CMTR1: variants seen among roughly 807,000 people sequenced by gnomAD.
The protein encoded by CMTR1 is cap methyltransferase 1, also known as cap-specific mRNA (nucleoside-2'-O-)-methyltransferase 1.
In CMTR1, 39 loss-of-function variants were observed where a neutral mutation model predicts 107.0. The ratio of observed to expected loss-of-function variants is 0.36; its 90% CI spans 0.28 to 0.48. The LOEUF is 0.48. Among genes scored for constraint, CMTR1 ranks in the 20% least tolerant of loss-of-function variants. CMTR1 has a pLI of 0.99. For synonymous variants in CMTR1, 366 were observed against 379.5 expected (o/e 0.96, Z 0.41); for missense variants, 672 against 1,064.9 (o/e 0.63, Z 5.14).
intron 8 of CMTR1, among the ~76,000 whole-genome samples, chr6:37,454,144 C>T (rs1031345639): frequency 2.0e-5 from 3 of 152,208 alleles, no homozygotes; most frequent in East Asian, 1.9e-4. Flanking sequence ...TTTACCCGGT[C>T]CTAGAAAGTT....
At chr6:37,438,158 T>C (rs1771582977) in intron 2 of CMTR1, among the ~76,000 whole-genome samples, 1 of 152,010 alleles carries the variant, frequency 6.6e-6, no homozygotes, top group Non-Finnish European at 1.5e-5. Flanking sequence ...GGTGGGCGGA[T>C]TGCTTGAGCC....
chr6:37,424,564 T>C, the CMTR1 span, among the ~76,000 whole-genome samples: 3 of 152,212 alleles, frequency 2.0e-5, no homozygotes, highest in African/African-American at 7.2e-5. Flanking sequence ...TTTGTCTTAA[T>C]TCCTGTATCA....
At chr6:37,473,444 G>C in intron 16 of CMTR1, 26 bp from the exon 17 acceptor site, 1 of 1,607,782 alleles carries the variant, frequency 6.2e-7, no homozygotes. Flanking sequence ...CAACCCGGCA[G>C]TGTTTTCTCT....
intron 2 of CMTR1, among the ~76,000 whole-genome samples, 168 bp downstream of exon 2, chr6:37,435,930 TCTC>T (rs1771519621): frequency 3.3e-5 from 5 of 152,340 alleles, no homozygotes; most frequent in African/African-American, 9.6e-5. Flanking sequence ...CTTCTGCCAT[TCTC>T]CTACTAAGAG....
the CMTR1 span, among the ~76,000 whole-genome samples, chr6:37,427,918 C>A: frequency 6.6e-6 from 1 of 151,680 alleles, no homozygotes; most frequent in South Asian, 2.1e-4. The surrounding 1 kb of genome is among the most constrained non-coding windows in gnomAD (Gnocchi z 4.4). Flanking sequence ...CTTTTTTGGC[C>A]TCCATGGTTT....
intron 13 of CMTR1, among the ~76,000 whole-genome samples, chr6:37,467,572 ACT>A (rs1761533774): frequency 6.6e-6 from 1 of 152,164 alleles, no homozygotes; most frequent in African/African-American, 2.4e-5. Context: ...AAAGTCTTTA[ACT>A]ATGATTATTG....
At chr6:37,445,454 C>A (rs571606452) in intron 3 of CMTR1, among the ~76,000 whole-genome samples, 1 of 151,276 alleles carries the variant, frequency 6.6e-6, no homozygotes, top group African/African-American at 2.4e-5. Flanking sequence ...TGTTTCTGTC[C>A]CAGAGTATTA....
At chr6:37,442,384 T>C (rs1289625869) in intron 2 of CMTR1, among the ~76,000 whole-genome samples, 1 of 152,258 alleles carries the variant, frequency 6.6e-6, no homozygotes, top group Non-Finnish European at 1.5e-5. Flanking sequence ...TAAGAGGAAA[T>C]GTCTCAAGGA....
At position 37,474,679 on chromosome 6, in the gene CMTR1, G is replaced by A. The variant is rs180901529; in HGVS notation, c.1944+33G>A. The A allele has an allele frequency of 1.1e-4, 178 of 1,610,302 alleles. 1 individual carries two copies. In the East Asian group the frequency reaches 3.6e-3, roughly 32 times the overall value. ...ATGGTTCTGCTCAGGTGTTGGCCCT[G>A]CAGCTAGGGGACTAGGGGGCTGCTG... On this transcript the variant is annotated intron_variant, in intron 18 of 23. Coordinates refer to ENST00000373451, the MANE Select transcript of CMTR1 (RefSeq NM_015050.3).
intron 17 of CMTR1, 102 bp from the exon 18 acceptor site, chr6:37,474,422 C>T (rs775693284): frequency 4.9e-4 from 655 of 1,338,000 alleles, no homozygotes; most frequent in Non-Finnish European, 6.4e-4. Context: ...TTTCCCAGTC[C>T]CATCAGTTTG....
rs184377947 is a variant in CMTR1, at chr6:37,447,233, A to G, written c.444+784A>G. Among the ~76,000 whole-genome samples the G allele has an allele frequency of 1.7e-3, 258 of 152,294 alleles. 1 individual carries two copies. Among genetic ancestry groups the G allele is most frequent in the Non-Finnish European group, 2.0e-3 (139 of 68,026 alleles). On this transcript the variant is annotated intron_variant, in intron 4 of 23. Transcript: ENST00000373451. ...TGTGGCTCTGAACTCTGGAAAATTGATATTTTATTTGTCTCCCTAATGTTC... is the reference window on the plus strand; with the variant it reads ...TGTGGCTCTGAACTCTGGAAAATTGGTATTTTATTTGTCTCCCTAATGTTC...
chr6:37,456,704 T>C (rs1168431779), intron 8 of CMTR1, among the ~76,000 whole-genome samples: 4 of 152,226 alleles, frequency 2.6e-5, no homozygotes, highest in Non-Finnish European at 5.9e-5. Flanking sequence ...GTGTTCATCA[T>C]GGTCTGAGGC....
chr6:37,445,961 G>T (rs574053588), intron 3 of CMTR1, among the ~76,000 whole-genome samples: 1 of 152,248 alleles, frequency 6.6e-6, no homozygotes, highest in East Asian at 1.9e-4. Context: ...TCTACTCTAG[G>T]TCTGCTTCTC....
chr6:37,476,260 G>C, intron 20 of CMTR1, 66 bp downstream of exon 20: 1 of 1,513,276 alleles, frequency 6.6e-7, no homozygotes, highest in Non-Finnish European at 9.2e-7. Context: ...CGTCCAGTGA[G>C]GGACAGGAGG....
At chr6:37,451,683 A>C in intron 5 of CMTR1, 123 bp from the exon 6 acceptor site, 1 of 678,694 alleles carries the variant, frequency 1.5e-6, no homozygotes, top group South Asian at 1.8e-5. Context: ...TCAGGGATTG[A>C]TGTTTCTTGG....
chr6:37,478,468 G>A lies in CMTR1; in HGVS notation c.2213G>A (p.Arg738His), dbSNP rs1422010627. The A allele has an allele frequency of 4.3e-6, 7 of 1,614,112 alleles. No individual in the cohort carries two copies. The highest frequency in any genetic ancestry group is 5.9e-6 in the Non-Finnish European group (7 of 1,180,016). ...ACCCCAAAGCTCAGCTACACAGGGCGTGATGACCGGCACTTTGTACCCATG... is the reference window on the plus strand; with the variant it reads ...ACCCCAAAGCTCAGCTACACAGGGCATGATGACCGGCACTTTGTACCCATG... ...SGTPKLSYTG[R>H]DDRHFVPMGL... Residue 738 changes from arginine (R) to histidine (H), a missense_variant, in exon 22 of 24, where the codon CGT (arginine) becomes CAT (histidine). Transcript: ENST00000373451.
chr6:37,446,278 T>C lies in CMTR1; in HGVS notation c.286-13T>C. ...AACCTAATTAATTGTGCTCCACTAC[T>C]TCTCTTTTTCAGGCCAAGATGGGCT... On this transcript the variant is annotated splice_polypyrimidine_tract_variant and intron_variant, in intron 3 of 23. Transcript: ENST00000373451. The C allele has an allele frequency of 6.2e-7, 1 of 1,613,900 alleles. No individual in the cohort carries two copies. The highest frequency in any genetic ancestry group is 8.5e-7 in the Non-Finnish European group (1 of 1,179,880).
At chr6:37,451,904 A>G (rs779964766) in intron 6 of CMTR1, 27 bp downstream of exon 6, 3 of 1,584,136 alleles carry the variant, frequency 1.9e-6, no homozygotes, top group African/African-American at 2.7e-5. Flanking sequence ...AGAACCAGAT[A>G]ATGAAAACCT....
At position 37,472,115 on chromosome 6, in the gene CMTR1, G is replaced by T. The variant is rs1761640623; in HGVS notation, c.1620+211G>T. On this transcript the variant is annotated intron_variant, in intron 15 of 23. Coordinates refer to ENST00000373451, the MANE Select transcript of CMTR1 (RefSeq NM_015050.3). This position sits in a 1 kb window ranked among gnomAD's most constrained non-coding sequence, Gnocchi z 4.1. ...TTTGGCCCTGCAGCTGGGTCAGAAA[G>T]GACTAAGGGGTGGGGTGTGGGGAGG... Among the ~76,000 whole-genome samples the T allele has an allele frequency of 6.6e-6, 1 of 152,212 alleles. No individual in the cohort carries two copies. The highest frequency in any genetic ancestry group is 2.1e-4 in the South Asian group (1 of 4,832).
Sources: allele counts gnomAD v4.1 joint callset (sites outside exome capture counted in the v4.1 genomes callset), GRCh38; gene constraint gnomAD v4.1.1; non-coding constraint Gnocchi (gnomAD v3.1); transcripts MANE v1.5; gene names NCBI Gene and HGNC (gene_info 2026-07-23, HGNC 2026-07-21).